The following CSMD1 variants were observed in gnomAD, a reference collection of about 807,000 sequenced individuals.
The protein encoded by CSMD1 is CUB and Sushi multiple domains 1.
In CSMD1, 213 loss-of-function variants were observed where a neutral mutation model predicts 417.5. The observed-to-expected ratio is 0.51, with a 90% CI of 0.46 to 0.57. The LOEUF is 0.57. Ranked by LOEUF, CSMD1 falls within the 20% of genes least tolerant of loss-of-function variation. The pLI is 0.00. For synonymous variants in CSMD1, 2,862 were observed against 1,736.8 expected, an observed-to-expected ratio of 1.65 and a Z score of -16.11; for missense variants, 6,923 against 4,529.7, an observed-to-expected ratio of 1.53 and a Z score of -15.17.
At chr8:4,080,788 C>T (rs964579789) in intron 3 of CSMD1, among the ~76,000 whole-genome samples, 10 of 152,158 alleles carry the variant, frequency 6.6e-5, no homozygotes, top group Non-Finnish European at 1.0e-4. Flanking sequence ...TACCACACCC[C>T]TCTCTAAGTA....
chr8:4,737,855 T>G (rs552074187), intron 1 of CSMD1, among the ~76,000 whole-genome samples: 2 of 152,146 alleles, frequency 1.3e-5, no homozygotes, highest in Admixed American at 1.3e-4. Context: ...GAGTCAAATA[T>G]TGCAACCCAC....
rs1020993533 is a variant in CSMD1, at chr8:3,930,846, T to C, written c.818+67057A>G. ...ACTTAAAACAAAATAAAGTAATAGA[T>C]ATCTTAATAGTTAACTTACATTTTA... On this transcript the variant is annotated intron_variant, in intron 5 of 69. Transcript: ENST00000635120. 1.1e-4 allele frequency among the ~76,000 whole-genome samples: 17 copies of C among 150,708 alleles called. 1 individual carries two copies. The highest frequency in any genetic ancestry group is 3.7e-4 in the African/African-American group (15 of 40,864).
chr8:4,079,437 C>T (rs966053355), intron 3 of CSMD1, among the ~76,000 whole-genome samples: 1 of 152,166 alleles, frequency 6.6e-6, no homozygotes, highest in South Asian at 2.1e-4. Context: ...ATATAGAACA[C>T]CATCAGGCAG....
intron 8 of CSMD1, among the ~76,000 whole-genome samples, chr8:3,612,226 CA>C (rs1801929589): frequency 6.6e-6 from 1 of 152,020 alleles, no homozygotes; most frequent in African/African-American, 2.4e-5. Context: ...CATTTCATAA[CA>C]AAAGGTATTG....
At chr8:3,217,523 G>A (rs941002470) in intron 29 of CSMD1, among the ~76,000 whole-genome samples, 2 of 152,108 alleles carry the variant, frequency 1.3e-5, no homozygotes, top group Admixed American at 6.6e-5. Context: ...TTACTTGCCT[G>A]CATGATTTTG....
At chr8:3,934,245 C>T (rs992193895) in intron 5 of CSMD1, among the ~76,000 whole-genome samples, 1 of 152,164 alleles carries the variant, frequency 6.6e-6, no homozygotes, top group African/African-American at 2.4e-5. Flanking sequence ...GATGAACTTG[C>T]TCAGAATAAT....
chr8:2,982,266 G>A (rs942419761), intron 54 of CSMD1, among the ~76,000 whole-genome samples: 1 of 152,174 alleles, frequency 6.6e-6, no homozygotes, highest in African/African-American at 2.4e-5. Context: ...TGAGGCAGGA[G>A]AATTGCTTGA....
chr8:4,203,859 G>C (rs886644359), intron 3 of CSMD1, among the ~76,000 whole-genome samples: 1 of 152,114 alleles, frequency 6.6e-6, no homozygotes, highest in African/African-American at 2.4e-5. Flanking sequence ...CAGCACTTTT[G>C]GAAGGCTGAG....
chr8:3,377,744 A>G (rs183621226), intron 18 of CSMD1, among the ~76,000 whole-genome samples: 1 of 151,996 alleles, frequency 6.6e-6, no homozygotes, highest in African/African-American at 2.4e-5. Context: ...ATCCTACCCA[A>G]AACGGAAACA....
intron 49 of CSMD1, among the ~76,000 whole-genome samples, chr8:3,065,210 T>G (rs1812843920): frequency 6.6e-6 from 1 of 151,996 alleles, no homozygotes; most frequent in African/African-American, 2.4e-5. Flanking sequence ...TATATAGTGA[T>G]AGATAAATGA....
intron 3 of CSMD1, among the ~76,000 whole-genome samples, chr8:4,197,367 G>T (rs910669522): frequency 6.6e-6 from 1 of 152,174 alleles, no homozygotes; most frequent in Non-Finnish European, 1.5e-5. Flanking sequence ...ATTATTGTGG[G>T]TGTGTCTGTG....
chr8:3,140,462 A>G (rs1818371055), intron 41 of CSMD1, among the ~76,000 whole-genome samples: 1 of 152,154 alleles, frequency 6.6e-6, no homozygotes, highest in South Asian at 2.1e-4. Context: ...AGAGTGTTTC[A>G]TAGAAAAATG....
At chr8:3,487,140 T>C (rs1818084949) in intron 11 of CSMD1, among the ~76,000 whole-genome samples, 1 of 152,182 alleles carries the variant, frequency 6.6e-6, no homozygotes, top group African/African-American at 2.4e-5. Context: ...ATGACTTGGT[T>C]ATTCCAGTAA....
chr8:3,411,610 G>A (rs368309773), intron 12 of CSMD1, among the ~76,000 whole-genome samples: 43 of 149,560 alleles, frequency 2.9e-4, no homozygotes, highest in Non-Finnish European at 4.4e-4. Flanking sequence ...AGGTTGCTGC[G>A]AATGCCATTA....
chr8:3,050,459 T>C (rs982554457), intron 50 of CSMD1, among the ~76,000 whole-genome samples: 3 of 152,176 alleles, frequency 2.0e-5, no homozygotes, highest in Non-Finnish European at 2.9e-5. Flanking sequence ...AAAGAAACAT[T>C]GTCCATAAAT....
chr8:3,410,781 C>A (rs1812645487), intron 12 of CSMD1, among the ~76,000 whole-genome samples: 1 of 151,940 alleles, frequency 6.6e-6, no homozygotes, highest in African/African-American at 2.4e-5. Flanking sequence ...CTCTGTTGTC[C>A]AGGCCGGAGT....
At chr8:3,159,370 T>C (rs1819739584) in intron 38 of CSMD1, among the ~76,000 whole-genome samples, 1 of 152,212 alleles carries the variant, frequency 6.6e-6, no homozygotes, top group South Asian at 2.1e-4. Flanking sequence ...ATTTTCTTTT[T>C]TATGTTTAAA....
intron 3 of CSMD1, among the ~76,000 whole-genome samples, chr8:4,107,656 G>A (rs1280243840): frequency 6.6e-6 from 1 of 152,162 alleles, no homozygotes; most frequent in Admixed American, 6.5e-5. Flanking sequence ...AAGCTCATTT[G>A]AAGTACAATC....
chr8:3,646,606 G>T (rs1243421539), intron 7 of CSMD1, among the ~76,000 whole-genome samples: 1 of 152,138 alleles, frequency 6.6e-6, no homozygotes, highest in Non-Finnish European at 1.5e-5. Flanking sequence ...TAGCAGTCAG[G>T]GAACCACTAA....
Sources: allele counts gnomAD v4.1 joint callset (sites outside exome capture counted in the v4.1 genomes callset), GRCh38; gene constraint gnomAD v4.1.1; transcripts MANE v1.5; gene names NCBI Gene and HGNC (gene_info 2026-07-23, HGNC 2026-07-21).